The following AUTS2 variants were observed in gnomAD, a reference collection of about 807,000 sequenced individuals.
The protein encoded by AUTS2 is activator of transcription and developmental regulator AUTS2, also known as autism susceptibility gene 2 protein.
A neutral mutation model predicts 112.4 loss-of-function variants in AUTS2; 17 were observed. The ratio of observed to expected loss-of-function variants is 0.15; its 90% confidence interval spans 0.10 to 0.23. AUTS2 has a LOEUF of 0.23. Ranked by LOEUF, AUTS2 falls within the 10% of genes least tolerant of loss-of-function variation. The pLI, the probability that AUTS2 is intolerant of heterozygous loss-of-function variation, is 1.00. For missense variants in AUTS2, 1,510 were observed against 1,701.6 expected (o/e 0.89, Z 1.98); for synonymous variants, 751 against 702.7 (o/e 1.07, Z -1.09).
intron 2 of AUTS2, among the ~76,000 whole-genome samples, chr7:69,978,806 T>C (rs1798162269): frequency 6.6e-6 from 1 of 151,486 alleles, no homozygotes; most frequent in African/African-American, 2.4e-5. Flanking sequence ...TGATTGCACC[T>C]CTGTATTCCA....
At chr7:70,500,734 T>A (rs1798738585) in intron 5 of AUTS2, among the ~76,000 whole-genome samples, 1 of 152,090 alleles carries the variant, frequency 6.6e-6, no homozygotes, top group South Asian at 2.1e-4. Context: ...AATTTTTTTT[T>A]TTTTTGAGAT....
intron 5 of AUTS2, among the ~76,000 whole-genome samples, chr7:70,603,577 T>A (rs1420498664): frequency 6.6e-6 from 1 of 152,206 alleles, no homozygotes; most frequent in African/African-American, 2.4e-5. Context: ...GGGCAGGTGC[T>A]TGAGAGAGGG....
At chr7:70,707,453 G>T (rs1476655677) in intron 6 of AUTS2, among the ~76,000 whole-genome samples, 1 of 152,122 alleles carries the variant, frequency 6.6e-6, no homozygotes, top group African/African-American at 2.4e-5. Flanking sequence ...CTAGGCTCTG[G>T]GGATATGGCA....
intron 5 of AUTS2, among the ~76,000 whole-genome samples, chr7:70,540,292 T>A (rs553423604): frequency 6.6e-6 from 1 of 152,270 alleles, no homozygotes; most frequent in Non-Finnish European, 1.5e-5. Flanking sequence ...GCTACCATCC[T>A]CTCTCTTTGG....
chr7:69,672,490 A>G (rs912986375), intron 1 of AUTS2, among the ~76,000 whole-genome samples: 3 of 152,228 alleles, frequency 2.0e-5, no homozygotes, highest in African/African-American at 7.2e-5. Flanking sequence ...GCAAATTAAT[A>G]ACACTGAGAC....
At position 69,804,630 on chromosome 7, in the gene AUTS2, T is replaced by G. The variant is rs17140913; in HGVS notation, c.310-94656T>G. Among the ~76,000 whole-genome samples, 146 of 152,358 alleles carry G rather than the reference T, an allele frequency of 9.6e-4. 1 individual carries two copies. The highest frequency in any genetic ancestry group is 3.4e-3 in the African/African-American group (142 of 41,584). On this transcript the variant is annotated intron_variant, in intron 1 of 18. Transcript: ENST00000342771. ...TCCTGATCTATTAGTTTTATTCCTG[T>G]TGACAGCCAAAATGTAGGATCATGA...
chr7:70,440,668 T>G (rs1233447090), intron 5 of AUTS2, among the ~76,000 whole-genome samples: 1 of 152,174 alleles, frequency 6.6e-6, no homozygotes. Context: ...AAGTGTTAAA[T>G]TTTGAAGGGT....
At chr7:70,772,910 CCAAA>C (rs1470488271) in intron 11 of AUTS2, among the ~76,000 whole-genome samples, 6 of 152,374 alleles carry the variant, frequency 3.9e-5, no homozygotes, top group Middle Eastern at 6.8e-3. Context: ...TGGGGCCTCC[CCAAA>C]CAGACTGGTA....
At chr7:70,570,251 G>T (rs1801882850) in intron 5 of AUTS2, among the ~76,000 whole-genome samples, 1 of 152,158 alleles carries the variant, frequency 6.6e-6, no homozygotes, top group South Asian at 2.1e-4. Context: ...GGTTGGGCTT[G>T]GTTGTCAGCT....
chr7:70,250,351 A>G (rs1270037143), intron 4 of AUTS2, among the ~76,000 whole-genome samples: 1 of 152,210 alleles, frequency 6.6e-6, no homozygotes, highest in East Asian at 1.9e-4. Flanking sequence ...CATGCAATAG[A>G]CAGACCTGCA....
intron 1 of AUTS2, among the ~76,000 whole-genome samples, chr7:69,831,395 C>T (rs536568543): frequency 5.9e-5 from 9 of 152,144 alleles, no homozygotes; most frequent in East Asian, 1.9e-4. Context: ...CAGAATTAAA[C>T]GGAACCAAAG....
rs536991546 is a variant in AUTS2, at chr7:70,266,387, A to G, written c.660+131816A>G. On this transcript the variant is annotated intron_variant, in intron 4 of 18. Coordinates refer to ENST00000342771, the MANE Select transcript of AUTS2 (RefSeq NM_015570.4). The stretch of plus-strand genomic sequence containing the variant: ...GGCTGAAATGGGGAGTGATTGCTTA[A>G]TGGGTATAGGGTTTTCCTTTGGGGG... Among the ~76,000 whole-genome samples, 7 of 152,282 alleles carry G rather than the reference A, an allele frequency of 4.6e-5. No individual in the cohort carries two copies. The East Asian group carries it at 1.3e-3, about 29-fold the overall frequency.
intron 1 of AUTS2, among the ~76,000 whole-genome samples, chr7:69,671,304 C>G (rs765844270): frequency 2.0e-5 from 3 of 152,174 alleles, no homozygotes; most frequent in Non-Finnish European, 4.4e-5. Context: ...GGGCAAATCT[C>G]TCAAGAAATC....
intron 2 of AUTS2, among the ~76,000 whole-genome samples, chr7:70,045,184 A>G (rs1233855682): frequency 6.6e-6 from 1 of 152,126 alleles, no homozygotes; most frequent in Non-Finnish European, 1.5e-5. Context: ...TCCTGGGGCA[A>G]AGTTTATGAA....
chr7:70,579,329 A>G (rs976829916), intron 5 of AUTS2, among the ~76,000 whole-genome samples: 1 of 150,214 alleles, frequency 6.7e-6, no homozygotes, highest in African/African-American at 2.4e-5. Context: ...TGCAATGCTG[A>G]GAAGTGTCAC....
intron 4 of AUTS2, among the ~76,000 whole-genome samples, chr7:70,424,266 T>TA (rs757170068): frequency 3.9e-5 from 6 of 152,190 alleles, no homozygotes; most frequent in Admixed American, 3.9e-4. Flanking sequence ...GGAGCAGAAA[T>TA]ACGGCTATAT....
intron 1 of AUTS2, among the ~76,000 whole-genome samples, chr7:69,694,750 C>A (rs1239191487): frequency 1.3e-5 from 2 of 152,102 alleles, no homozygotes; most frequent in East Asian, 3.9e-4. Context: ...GTAATGCGGA[C>A]CCTCAAAGTT....
chr7:70,594,089 G>A (rs538647975), intron 5 of AUTS2, among the ~76,000 whole-genome samples: 1 of 152,280 alleles, frequency 6.6e-6, no homozygotes, highest in South Asian at 2.1e-4. Flanking sequence ...AAAGTCAGAA[G>A]AAGAATACTA....
At chr7:70,176,466 A>G (rs1169965338) in intron 4 of AUTS2, among the ~76,000 whole-genome samples, 1 of 152,190 alleles carries the variant, frequency 6.6e-6, no homozygotes, top group Non-Finnish European at 1.5e-5. Flanking sequence ...CTTTTGTGCA[A>G]TGGCAATGAT....
Sources: allele counts gnomAD v4.1 joint callset (sites outside exome capture counted in the v4.1 genomes callset), GRCh38; gene constraint gnomAD v4.1.1; transcripts MANE v1.5; gene names NCBI Gene and HGNC (gene_info 2026-07-23, HGNC 2026-07-21).